The following FRMPD2 variants were observed in gnomAD, a reference collection of about 807,000 sequenced individuals.
FRMPD2 encodes the protein FERM and PDZ domain containing 2.
In FRMPD2, 96 loss-of-function variants were observed where a neutral mutation model predicts 140.1. The observed-to-expected ratio is 0.69, with a 90% CI of 0.58 to 0.81. The LOEUF is 0.81. Among genes scored for constraint, FRMPD2 ranks in the 40% least tolerant of loss-of-function variants. FRMPD2 has a pLI of 0.00. For missense variants in FRMPD2, 1,240 were observed against 1,447.4 expected, an observed-to-expected ratio of 0.86 and a Z score of 2.32; for synonymous variants, 449 against 547.6, an observed-to-expected ratio of 0.82 and a Z score of 2.52.
In FRMPD2 at chr10:48,177,957, T is replaced by G. The variant is rs553873075; in HGVS notation, c.2895+90A>C. 27 of 648,680 alleles carry G rather than the reference T, an allele frequency of 4.2e-5. No homozygotes were observed. The African/African-American group carries it at 4.5e-4, about 11-fold the overall frequency. 40.2% of individuals were successfully genotyped at this position (648,680 alleles called of 1,614,324 possible). On this transcript the variant is annotated intron_variant, in intron 22 of 28. Transcript: ENST00000374201. ...TTACATTTGTGCAAACTAAGCACACTGTCAGAGGTTGCCATCTGGGTGGAA... is the reference window on the plus strand; with the variant it reads ...TTACATTTGTGCAAACTAAGCACACGGTCAGAGGTTGCCATCTGGGTGGAA...
chr10:48,232,303 C>T lies in FRMPD2; in HGVS notation c.994-14G>A, dbSNP rs6537556. ...CCCTTTTTTGGTCTGAAAACAACAACAGTATCAATTATACTACAATTATAA... is the reference window on the plus strand; with the variant it reads ...CCCTTTTTTGGTCTGAAAACAACAATAGTATCAATTATACTACAATTATAA... On this transcript the variant is annotated splice_polypyrimidine_tract_variant and intron_variant, in intron 9 of 28. Coordinates refer to ENST00000374201, the MANE Select transcript of FRMPD2 (RefSeq NM_001018071.4). 373,118 of 1,588,638 alleles carry T rather than the reference C, an allele frequency of 0.23. 49,825 individuals are homozygous for T. The highest frequency in any genetic ancestry group is 0.57 in the African/African-American group (42,134 of 74,230).
chr10:48,201,237 C>A lies in FRMPD2; in HGVS notation c.1945G>T (p.Val649Phe). ...AQMGSGQPSH[V>F]LFDHDKFVQM... ...TACAGCTTCTACTCACCAAATAAAA[C>A]ATGGGAAGGCTGCCCAGAGCCCATC... is the stretch of plus-strand genomic sequence containing the variant. The change falls in exon 15 of 29, where the codon GTT becomes TTT. Residue 649 changes from valine to phenylalanine, a missense_variant. Val to Phe is a conservative substitution (Grantham distance 50, BLOSUM62 -1). Coordinates refer to ENST00000374201, the MANE Select transcript of FRMPD2 (RefSeq NM_001018071.4). 3 of 1,603,628 alleles carry A rather than the reference C, an allele frequency of 1.9e-6. No individual in the cohort carries two copies. The highest frequency in any genetic ancestry group is 2.6e-6 in the Non-Finnish European group (3 of 1,174,956).
chr10:48,184,652 C>T lies in FRMPD2; in HGVS notation c.2498G>A (p.Ser833Asn), dbSNP rs1564418010. 2 of 1,613,484 alleles carry T rather than the reference C, an allele frequency of 1.2e-6. No homozygotes were observed. Among genetic ancestry groups the T allele is most frequent in the South Asian group, 1.1e-5 (1 of 91,062 alleles). ...GGQILALNHI[S>N]LEGFTFNMAV... ...CATGTTGAATGTGAAGCCCTCCAGA[C>T]TGATGTGATTCAGGGCTAGTATCTG... is the stretch of plus-strand genomic sequence containing the variant. The change falls in exon 20 of 29, where the codon AGT becomes AAT. Residue 833 changes from serine to asparagine, a missense_variant. Ser to Asn is a conservative substitution (Grantham distance 46). Around this residue, in one of 6 missense-constraint regions of FRMPD2, gnomAD observed 1,161 missense variants for 1,055.9 expected, o/e 1.10. Coordinates refer to ENST00000374201, the MANE Select transcript of FRMPD2 (RefSeq NM_001018071.4).
intron 1 of FRMPD2, among the ~76,000 whole-genome samples, chr10:48,271,826 G>A (rs534141465): frequency 1.4e-4 from 21 of 152,360 alleles, no homozygotes; most frequent in African/African-American, 3.1e-4. Flanking sequence ...AGCAGGCTCC[G>A]AGGTCAGAGC....
intron 28 of FRMPD2, chr10:48,159,270 C>A: frequency 2.2e-6 from 1 of 455,154 alleles, no homozygotes; most frequent in Non-Finnish European, 4.4e-6. Context: ...GTTCAACGGA[C>A]TGCCAGATTT....
intron 1 of FRMPD2, among the ~76,000 whole-genome samples, chr10:48,258,834 G>C (rs1457636363): frequency 6.6e-6 from 1 of 152,188 alleles, no homozygotes; most frequent in Non-Finnish European, 1.5e-5. Context: ...TAAATGGAAA[G>C]TTAGTATCAT....
rs779585684 is a variant in FRMPD2 at position 48,222,291 on chromosome 10, G to T, written c.1455+22C>A. 4 of 1,608,644 alleles carry T rather than the reference G, an allele frequency of 2.5e-6. No homozygotes were observed. In the South Asian group the frequency reaches 3.3e-5, roughly 13 times the overall value. ...TGTTTTTCCAGTGACCCCACACAAA[G>T]GCCCCTGGTGTTCACCCCTACCTCC... On this transcript the variant is annotated intron_variant, in intron 12 of 28. Coordinates refer to ENST00000374201, the MANE Select transcript of FRMPD2 (RefSeq NM_001018071.4).
intron 15 of FRMPD2, among the ~76,000 whole-genome samples, chr10:48,199,497 T>G (rs559056277): frequency 6.6e-6 from 1 of 152,220 alleles, no homozygotes; most frequent in African/African-American, 2.4e-5. Context: ...GGCTATTTAA[T>G]AGGACATTCA....
rs577822235 is a variant in FRMPD2 at position 48,178,577 on chromosome 10, GAGAATCTA to G, written c.2791-434_2791-427del. 5.8e-4 allele frequency among the ~76,000 whole-genome samples: 89 copies of G among 152,316 alleles called. 1 individual carries two copies. Among genetic ancestry groups the G allele is most frequent in the African/African-American group, 2.0e-3 (84 of 41,568 alleles). On this transcript the variant is annotated intron_variant, in intron 21 of 28. Transcript: ENST00000374201. ...AACTGCTGAGGTTGAGACCTGAAGT[GAGAATCTA>G]AAGTCCACCATACCACAGAGGATCA...
At chr10:48,241,975 G>A (rs1840124174) in intron 5 of FRMPD2, 186 bp downstream of exon 5, 1 of 455,798 alleles carries the variant, frequency 2.2e-6, no homozygotes, top group South Asian at 4.3e-5. Flanking sequence ...GAATGTTCTA[G>A]ATCCACCCTG....
chr10:48,240,200 T>C (rs532588541), intron 6 of FRMPD2, among the ~76,000 whole-genome samples, 160 bp downstream of exon 6: 1 of 152,368 alleles, frequency 6.6e-6, no homozygotes, highest in Admixed American at 6.5e-5. Flanking sequence ...CACAGGTGAG[T>C]CCTAAGCTCA....
At chr10:48,163,780 G>A (rs1838019136) in intron 27 of FRMPD2, 109 bp from the exon 28 acceptor site, 1 of 660,118 alleles carries the variant, frequency 1.5e-6, no homozygotes, top group Non-Finnish European at 2.8e-6. Context: ...GTTACAAGAT[G>A]GGCTTTGAGG....
chr10:48,240,254 A>G lies in FRMPD2; in HGVS notation c.700+106T>C, dbSNP rs562845275. 11 of 1,272,386 alleles carry G rather than the reference A, an allele frequency of 8.6e-6. No individual in the cohort carries two copies. The South Asian group carries it at 1.4e-4, about 16-fold the overall frequency. The allele number at this position is 1,272,386 out of a possible 1,614,324, so 78.8% of individuals were successfully genotyped here. On this transcript the variant is annotated intron_variant, in intron 6 of 28. Coordinates refer to ENST00000374201, the MANE Select transcript of FRMPD2 (RefSeq NM_001018071.4). Reference sequence around the variant, plus strand: ...CTTCCTGAAAGAGTGGCACTTACATAGGCTTTCTCTGCCATCACAATGTGG... The same window carrying G: ...CTTCCTGAAAGAGTGGCACTTACATGGGCTTTCTCTGCCATCACAATGTGG...
rs756565234 is a variant in FRMPD2 at position 48,187,176 on chromosome 10, G to A, written c.2266+16C>T. ...GGGTTCCTCCACCCAAGACCTGGTC[G>A]TGGCCTGGCCCATACCTGCATGCAT... On this transcript the variant is annotated intron_variant, in intron 17 of 28. Transcript: ENST00000374201. The A allele has an allele frequency of 8.8e-6, 14 of 1,594,514 alleles. No homozygotes were observed. The highest frequency in any genetic ancestry group is 4.0e-5 in the African/African-American group (3 of 74,456).
Position 48,199,157 on chromosome 10 carries a change from C to T in FRMPD2, c.1954+2071G>A, listed in dbSNP as rs142083746. 5.7e-3 allele frequency among the ~76,000 whole-genome samples: 868 copies of T among 151,840 alleles called. 8 individuals are homozygous for T. The highest frequency in any genetic ancestry group is 0.02 in the African/African-American group (821 of 41,372). The stretch of plus-strand genomic sequence containing the variant: ...GTACTATGCTCACTACCAGTGTGAC[C>T]GGATCCATACTCCAAACCTCTCAGC... On this transcript the variant is annotated intron_variant, in intron 15 of 28. Transcript: ENST00000374201.
At chr10:48,179,647 G>A (rs1838492949) in intron 21 of FRMPD2, among the ~76,000 whole-genome samples, 1 of 151,738 alleles carries the variant, frequency 6.6e-6, no homozygotes. Flanking sequence ...TCTGTCTTTA[G>A]TTACAGGGGT....
chr10:48,226,550 C>T (rs1839725353), intron 10 of FRMPD2, among the ~76,000 whole-genome samples: 1 of 152,188 alleles, frequency 6.6e-6, no homozygotes, highest in African/African-American at 2.4e-5. Context: ...AGAGCAGGTG[C>T]AAATTGGCCA....
chr10:48,171,784 C>T (rs1482651508), intron 25 of FRMPD2, among the ~76,000 whole-genome samples: 1 of 152,164 alleles, frequency 6.6e-6, no homozygotes, highest in South Asian at 2.1e-4. Context: ...GCTAGGCATA[C>T]ACAACATGCT....
At chr10:48,187,436 CCAGCAGCTCCT>C in intron 16 of FRMPD2, 144 bp from the exon 17 acceptor site, 1 of 642,414 alleles carries the variant, frequency 1.6e-6, no homozygotes. Flanking sequence ...GTCCAGTCAT[CCAGCAGCTCCT>C]CAGAGGGACC....
Sources: allele counts gnomAD v4.1 joint callset (sites outside exome capture counted in the v4.1 genomes callset), GRCh38; gene constraint gnomAD v4.1.1; regional missense constraint gnomAD v4.1.1; transcripts MANE v1.5; gene names NCBI Gene and HGNC (gene_info 2026-07-23, HGNC 2026-07-21).